Variants in HYCC1 observed in about 807,000 individuals in gnomAD.
The protein encoded by HYCC1 is hyccin PI4KA lipid kinase complex subunit 1.
At chr7:22,967,824 G>A in the HYCC1 span, among the ~76,000 whole-genome samples, 11 of 152,206 alleles carry the variant, frequency 7.2e-5, no homozygotes, top group East Asian at 3.9e-4. Context: ...ACCACATGAC[G>A]GTGTCATTAA....
the HYCC1 span, among the ~76,000 whole-genome samples, chr7:22,998,866 T>A: frequency 1.3e-5 from 2 of 152,166 alleles, no homozygotes; most frequent in Non-Finnish European, 2.9e-5. Context: ...TAAAATATGG[T>A]CATAATTTAC....
chr7:22,971,677 C>CAAA, the HYCC1 span, among the ~76,000 whole-genome samples: 96 of 91,886 alleles, frequency 1.0e-3, 2 homozygotes, highest in Admixed American at 2.4e-3. Context: ...CCCCATCTCA[C>CAAA]AAAAAAAAAA....
chr7:22,899,489 C>T, the HYCC1 span, among the ~76,000 whole-genome samples: 1 of 152,132 alleles, frequency 6.6e-6, no homozygotes, highest in African/African-American at 2.4e-5. Context: ...CCTCTGCACA[C>T]ACAAGTTGCT....
chr7:22,995,738 C>T, the HYCC1 span, among the ~76,000 whole-genome samples: 1 of 152,190 alleles, frequency 6.6e-6, no homozygotes, highest in Non-Finnish European at 1.5e-5. Context: ...GACACTATCT[C>T]TTCCAGGAGG....
the HYCC1 span, among the ~76,000 whole-genome samples, chr7:22,913,366 T>G: frequency 6.6e-6 from 1 of 152,186 alleles, no homozygotes; most frequent in Non-Finnish European, 1.5e-5. Flanking sequence ...GGGGAAAAGA[T>G]AGTCAAAGAA....
chr7:23,008,823 C>A, the HYCC1 span, among the ~76,000 whole-genome samples: 2 of 151,908 alleles, frequency 1.3e-5, no homozygotes, highest in African/African-American at 4.8e-5. Flanking sequence ...AACCATCACT[C>A]TACATTAAAA....
chr7:22,976,268 C>CATTGTA, the HYCC1 span: 1 of 1,613,026 alleles, frequency 6.2e-7, no homozygotes, highest in Non-Finnish European at 8.5e-7. Context: ...GTTAAGGCAG[C>CATTGTA]ATTGTAACAC....
the HYCC1 span, among the ~76,000 whole-genome samples, chr7:22,967,283 C>G: frequency 6.6e-6 from 1 of 152,124 alleles, no homozygotes; most frequent in African/African-American, 2.4e-5. Context: ...AGCGGAGAGT[C>G]AGAGAGGAAT....
the HYCC1 span, among the ~76,000 whole-genome samples, chr7:22,928,024 G>C: frequency 0.062 from 9,368 of 152,210 alleles, 416 homozygotes; most frequent in Admixed American, 0.13. Context: ...TGCAAGGCTG[G>C]TTCAATATAC....
At chr7:22,991,506 G>A in the HYCC1 span, among the ~76,000 whole-genome samples, 20 of 152,028 alleles carry the variant, frequency 1.3e-4, 1 homozygote, top group South Asian at 3.5e-3. Context: ...AAGAAGACAC[G>A]CATCCAAAAT....
the HYCC1 span, among the ~76,000 whole-genome samples, chr7:22,975,226 T>TA: frequency 1.3e-5 from 2 of 152,032 alleles, no homozygotes; most frequent in Non-Finnish European, 2.9e-5. Context: ...TTCTCCTTTT[T>TA]AAAAAAAGTA....
the HYCC1 span, among the ~76,000 whole-genome samples, chr7:22,986,497 A>G: frequency 1.5e-4 from 23 of 152,244 alleles, no homozygotes; most frequent in Non-Finnish European, 7.3e-5. Context: ...ACATTTCAGA[A>G]GGCATAACTG....
chr7:23,002,136 G>GTATATATATATATATA, the HYCC1 span, among the ~76,000 whole-genome samples: 6 of 76,608 alleles, frequency 7.8e-5, no homozygotes, highest in African/African-American at 1.2e-4. Flanking sequence ...GGTAAAAATT[G>GTATATATATATATATA]TATATATATA....
the HYCC1 span, among the ~76,000 whole-genome samples, chr7:22,968,942 C>T: frequency 1.3e-5 from 2 of 151,826 alleles, no homozygotes; most frequent in Admixed American, 6.6e-5. Flanking sequence ...GCTGGGATCA[C>T]GCCACTGCAC....
chr7:22,900,543 C>G, the HYCC1 span, among the ~76,000 whole-genome samples: 1 of 152,072 alleles, frequency 6.6e-6, no homozygotes, highest in Non-Finnish European at 1.5e-5. Flanking sequence ...ACCTTTGAAG[C>G]ACTGTATTAA....
chr7:22,952,638 T>G, the HYCC1 span, among the ~76,000 whole-genome samples: 1 of 151,986 alleles, frequency 6.6e-6, no homozygotes, highest in South Asian at 2.1e-4. Flanking sequence ...GAAAAAACTA[T>G]TTGCATATCT....
At chr7:22,968,598 A>G in the HYCC1 span, among the ~76,000 whole-genome samples, 1 of 152,170 alleles carries the variant, frequency 6.6e-6, no homozygotes, top group Non-Finnish European at 1.5e-5. Context: ...ATATGGCCCT[A>G]TAGGGGTATG....
chr7:22,961,209 T>C, the HYCC1 span: 1 of 1,407,342 alleles, frequency 7.1e-7, no homozygotes, highest in Non-Finnish European at 1.0e-6. Context: ...AATTATAACA[T>C]TTACATAAAT....
At chr7:22,902,325 T>A in the HYCC1 span, among the ~76,000 whole-genome samples, 1,701 of 150,952 alleles carry the variant, frequency 0.011, 26 homozygotes, top group African/African-American at 0.04. Context: ...TAGAAAACAA[T>A]TTGATAGTTT....
Sources: allele counts gnomAD v4.1 joint callset (sites outside exome capture counted in the v4.1 genomes callset), GRCh38; gene constraint gnomAD v4.1.1; transcripts MANE v1.5; gene names NCBI Gene and HGNC (gene_info 2026-07-23, HGNC 2026-07-21).